The following NEK5 variants were observed in gnomAD, a reference collection of about 807,000 sequenced individuals.
NEK5 encodes NIMA related kinase 5.
A neutral mutation model predicts 109.2 loss-of-function variants in NEK5; 88 were observed. That is an observed-to-expected ratio of 0.81 (90% CI 0.68 to 0.96). The LOEUF is 0.96. NEK5 is among the 40% of genes least tolerant of loss of function. The pLI is 0.00. For missense variants in NEK5, 834 were observed against 920.7 expected (o/e 0.91, Z 1.22); for synonymous variants, 283 against 299.9 (o/e 0.94, Z 0.58).
At chr13:52,053,245 G>A (rs1173372553) in intron 22 of NEK5, among the ~76,000 whole-genome samples, 5 of 152,128 alleles carry the variant, frequency 3.3e-5, no homozygotes, top group Admixed American at 3.3e-4. Context: ...AGGGTGCAGT[G>A]AGCCGAAACT....
intron 20 of NEK5, among the ~76,000 whole-genome samples, chr13:52,068,747 TCAC>T (rs1443175708): frequency 6.6e-6 from 1 of 152,104 alleles, no homozygotes; most frequent in Non-Finnish European, 1.5e-5. Flanking sequence ...GGTGGGCAGA[TCAC>T]CTGAGATCAA....
intron 22 of NEK5, among the ~76,000 whole-genome samples, chr13:52,053,427 CTGAG>C (rs1293223445): frequency 6.6e-6 from 1 of 152,150 alleles, no homozygotes; most frequent in Non-Finnish European, 1.5e-5. Flanking sequence ...GATTTTGTAA[CTGAG>C]TGCCCTATTT....
intron 23 of NEK5, among the ~76,000 whole-genome samples, chr13:52,044,463 T>C (rs1391593838): frequency 6.6e-6 from 1 of 152,120 alleles, no homozygotes; most frequent in Non-Finnish European, 1.5e-5. Context: ...CAAATATTCA[T>C]AGCCCAAATC....
chr13:52,114,521 T>C (rs1955814386), intron 4 of NEK5, among the ~76,000 whole-genome samples: 1 of 152,200 alleles, frequency 6.6e-6, no homozygotes, highest in Non-Finnish European at 1.5e-5. Flanking sequence ...TCCATTCAGT[T>C]ATTAACAAAC....
chr13:52,045,933 C>T (rs7318287), intron 23 of NEK5, among the ~76,000 whole-genome samples: 88,728 of 149,772 alleles, frequency 0.59, 28,255 homozygotes, highest in Middle Eastern at 0.72. Flanking sequence ...TAGCCAGCCA[C>T]GGTGGTGTGC....
intron 16 of NEK5, among the ~76,000 whole-genome samples, chr13:52,083,909 G>C (rs534208894): frequency 1.6e-4 from 25 of 152,160 alleles, no homozygotes; most frequent in African/African-American, 6.0e-4. Flanking sequence ...GCTGATGATG[G>C]CTCCAGGCTG....
chr13:52,109,403 T>A (rs1955715365), intron 7 of NEK5, among the ~76,000 whole-genome samples: 1 of 152,148 alleles, frequency 6.6e-6, no homozygotes, highest in Non-Finnish European at 1.5e-5. Flanking sequence ...GACTCTAGTA[T>A]AACATCACAT....
intron 12 of NEK5, among the ~76,000 whole-genome samples, chr13:52,096,584 A>G (rs758260395): frequency 2.6e-5 from 4 of 152,212 alleles, no homozygotes; most frequent in Non-Finnish European, 5.9e-5. Flanking sequence ...GGCGTCTGAC[A>G]GAAAAAATTT....
intron 17 of NEK5, among the ~76,000 whole-genome samples, chr13:52,076,361 C>T (rs549431681): frequency 1.8e-4 from 27 of 152,252 alleles, no homozygotes; most frequent in Non-Finnish European, 3.2e-4. Flanking sequence ...TGTGACAATA[C>T]TTATCACTCC....
chr13:52,072,023 C>T lies in NEK5; in HGVS notation c.1770G>A (p.Lys590=), dbSNP rs1954793068. ...NETLTFEDGM[K]FKEYECVKEH... The stretch of plus-strand genomic sequence containing the variant: ...CCTTTACACATTCATATTCCTTAAA[C>T]TTCATGCCATCCTCAAAGGTCAAAG... The change falls in exon 20 of 24, where the codon AAG becomes AAA. Residue 590 remains lysine, a synonymous_variant. Transcript: ENST00000684899. 1 of 1,611,198 alleles carries T rather than the reference C, an allele frequency of 6.2e-7. No individual in the cohort carries two copies. Among genetic ancestry groups the T allele is most frequent in the East Asian group, 2.2e-5 (1 of 44,858 alleles).
intron 9 of NEK5, among the ~76,000 whole-genome samples, chr13:52,102,920 C>T (rs1271065133): frequency 1.3e-5 from 2 of 152,118 alleles, no homozygotes; most frequent in African/African-American, 2.4e-5. Flanking sequence ...AATTTTACCA[C>T]TCAGAGGTAT....
chr13:52,125,765 G>A (rs955482985), intron 3 of NEK5, among the ~76,000 whole-genome samples: 3 of 152,140 alleles, frequency 2.0e-5, no homozygotes. Context: ...TACACAGGGC[G>A]AAGACAGAGA....
chr13:52,125,420 A>G (rs1272801674), intron 3 of NEK5, among the ~76,000 whole-genome samples: 1 of 152,112 alleles, frequency 6.6e-6, no homozygotes, highest in Admixed American at 6.5e-5. Context: ...AAAATTAGCC[A>G]GGCGTGGTGG....
At chr13:52,120,581 A>G (rs889619453) in intron 3 of NEK5, among the ~76,000 whole-genome samples, 2 of 152,240 alleles carry the variant, frequency 1.3e-5, no homozygotes, top group African/African-American at 4.8e-5. Context: ...TAGAAAAAAT[A>G]TTCAATCTCA....
At chr13:52,077,414 C>T (rs1954888129) in intron 17 of NEK5, among the ~76,000 whole-genome samples, 1 of 152,164 alleles carries the variant, frequency 6.6e-6, no homozygotes, top group South Asian at 2.1e-4. Flanking sequence ...ATGAGACAAG[C>T]CCTGCAACTG....
chr13:52,110,356 C>CTA lies in NEK5; in HGVS notation c.449_450dup (p.Ala151Ter). On this transcript the variant is annotated frameshift_variant, in exon 7 of 24. Coordinates refer to ENST00000684899, the MANE Select transcript of NEK5 (RefSeq NM_001365552.1). LOFTEE classifies it high-confidence loss of function. ...AGTACTTACTTATTCAGGACTCTTG[C>CTA]TATACCAAAGTCCCCAAGCTTTGCC... The CTA allele has an allele frequency of 1.2e-6, 2 of 1,611,032 alleles. No homozygotes were observed. The highest frequency in any genetic ancestry group is 1.7e-6 in the Non-Finnish European group (2 of 1,177,286).
At chr13:52,084,699 G>C (rs7333070) in intron 16 of NEK5, among the ~76,000 whole-genome samples, 3 of 147,366 alleles carry the variant, frequency 2.0e-5, no homozygotes, top group Non-Finnish European at 3.0e-5. Flanking sequence ...CACCATGTCC[G>C]GCTAATTTAA....
chr13:52,075,698 C>G, intron 19 of NEK5, 60 bp downstream of exon 19: 1 of 979,204 alleles, frequency 1.0e-6, no homozygotes, highest in Non-Finnish European at 1.6e-6. Flanking sequence ...ATGAAACATG[C>G]TATTAAGATA....
In NEK5 at chr13:52,050,143, T is replaced by C. The variant is rs2140909062; in HGVS notation, c.2189A>G (p.Asp730Gly). Residue 730 changes from aspartate to glycine, a missense_variant, in exon 23 of 24, where the codon GAT (aspartate) becomes GGT (glycine). Around this residue, in one of 2 missense-constraint regions of NEK5, gnomAD observed 57 missense variants for 96.0 expected, o/e 0.59. Transcript: ENST00000684899. ...KVEMVSGIEVDEEQLEPRSDD... is the reference protein window; with the variant it reads ...KVEMVSGIEVGEEQLEPRSDD... ...AGATCTTGGTTCTAGTTGTTCCTCATCTACTTCAATGCCAGAGACCATTTC... is the reference window on the plus strand; with the variant it reads ...AGATCTTGGTTCTAGTTGTTCCTCACCTACTTCAATGCCAGAGACCATTTC... 1 of 985,760 alleles carries C rather than the reference T, an allele frequency of 1.0e-6. No homozygotes were observed. The highest frequency in any genetic ancestry group is 1.2e-6 in the Non-Finnish European group (1 of 829,822). The allele number at this position is 985,760 out of a possible 1,614,324, so 61.1% of individuals were successfully genotyped here.
Sources: gnomAD v4.1 joint callset for allele counts (sites outside exome capture counted in the v4.1 genomes callset) on GRCh38, gnomAD v4.1.1 for gene constraint, gnomAD v4.1.1 regional missense constraint, MANE v1.5 for transcripts, NCBI Gene and HGNC (gene_info 2026-07-23, HGNC 2026-07-21) for gene names.